Variants in IMP4 observed in about 807,000 individuals in gnomAD.
IMP4 encodes IMP U3 small nucleolar ribonucleoprotein 4.
Under a neutral mutation model 42.7 loss-of-function variants are expected in IMP4, and 30 were observed. That is an observed-to-expected ratio of 0.70 (90% CI 0.53 to 0.95). The LOEUF (loss-of-function observed/expected upper bound fraction) is 0.95. IMP4 is among the 40% of genes least tolerant of loss of function. IMP4 has a pLI of 0.00. For missense variants in IMP4, 382 were observed against 411.4 expected (o/e 0.93, Z 0.62); for synonymous variants, 165 against 165.2 (o/e 1.00, Z 0.01).
In IMP4 at chr2:130,345,382, C is replaced by T. The variant is rs1428117555; in HGVS notation, c.203C>T (p.Thr68Ile). 6.2e-7 allele frequency: 1 copy of T among 1,613,470 alleles called. No homozygotes were observed. Among genetic ancestry groups the T allele is most frequent in the Non-Finnish European group, 8.5e-7 (1 of 1,179,556 alleles). ...EFDDAGGEGV[T>I]SHVDDEYRWA... ...CCCCTCGTGCTCCTGACAGGTGTGA[C>T]CAGCCACGTGGATGATGAATACCGA... Residue 68 changes from threonine (T) to isoleucine (I), a missense_variant, in exon 4 of 9, where the codon ACC becomes ATC. Coordinates refer to ENST00000259239, the MANE Select transcript of IMP4 (RefSeq NM_033416.3). This position sits in a 1 kb window ranked among gnomAD's most constrained non-coding sequence, Gnocchi z 4.9.
rs1182115561 is a variant in IMP4 at position 130,347,961 on chromosome 2, T to C, written c.*1493T>C. Reference sequence around the variant, plus strand: ...AGACATTAAATACAAAGAAGCATGGTGTGAAACGCCATGTGTGATATGCTG... The same window carrying C: ...AGACATTAAATACAAAGAAGCATGGCGTGAAACGCCATGTGTGATATGCTG... On this transcript the variant is annotated 3_prime_UTR_variant, in exon 9 of 9. Coordinates refer to ENST00000259239, the MANE Select transcript of IMP4 (RefSeq NM_033416.3). Among the ~76,000 whole-genome samples, 1 of 152,172 alleles carries C rather than the reference T, an allele frequency of 6.6e-6. No individual in the cohort carries two copies. Among genetic ancestry groups the C allele is most frequent in the Non-Finnish European group, 1.5e-5 (1 of 68,044 alleles).
At position 130,347,294 on chromosome 2, in the gene IMP4, C is replaced by A. The variant is rs967221279; in HGVS notation, c.*826C>A. On this transcript the variant is annotated 3_prime_UTR_variant, in exon 9 of 9. Coordinates refer to ENST00000259239, the MANE Select transcript of IMP4 (RefSeq NM_033416.3). The stretch of plus-strand genomic sequence containing the variant: ...AAGGCTGTACTAATTTCCATTCTCA[C>A]CAACAGTTCACTAGGGTTCCCTTTT... The A allele has an allele frequency of 6.6e-6, 1 of 152,246 alleles. No homozygotes were observed. 9.4% of individuals were successfully genotyped at this position (152,246 alleles called of 1,614,324 possible). A position where few individuals can be genotyped will look rare whatever the true frequency, so the allele number is the denominator to read the frequency against.
intron 1 of IMP4, 39 bp downstream of exon 1, chr2:130,342,974 G>A (rs1573831381): frequency 6.2e-7 from 1 of 1,614,032 alleles, no homozygotes; most frequent in Non-Finnish European, 8.5e-7. Flanking sequence ...TCCGGGGCGC[G>A]TGAAGTGCTG....
At chr2:130,344,778 C>A in intron 3 of IMP4, 66 bp downstream of exon 3, 1 of 1,061,374 alleles carries the variant, frequency 9.4e-7, no homozygotes, top group Middle Eastern at 2.4e-4. Context: ...CTCAGACACA[C>A]CGGGCACCAT....
Position 130,345,663 on chromosome 2 carries a change from G to A in IMP4, c.403G>A (p.Asp135Asn), listed in dbSNP as rs117152505. ...VRACKANGVT[D>N]LLVVHEHRGT... is the part of the protein sequence containing the mutation. ...AGCCTGCAAAGCCAACGGCGTCACCGATCTGCTGGTCGTTCACGAGCATCG... is the reference window on the plus strand; with the variant it reads ...AGCCTGCAAAGCCAACGGCGTCACCAATCTGCTGGTCGTTCACGAGCATCG... The change falls in exon 5 of 9, where the codon GAT (aspartate) becomes AAT (asparagine). Residue 135 changes from aspartate (D) to asparagine (N), a missense_variant. Physicochemically the swap from Asp to Asn is conservative, Grantham distance 23. Transcript: ENST00000259239. The surrounding 1 kb of genome is among the most constrained non-coding windows in gnomAD (Gnocchi z 4.9). 6.4e-5 allele frequency: 103 copies of A among 1,614,108 alleles called. 1 individual carries two copies. The East Asian group carries it at 2.0e-3, about 31-fold the overall frequency.
rs763866901 is a variant in IMP4, at chr2:130,342,897, A to G, written c.-36A>G. ...ACTGTGTCGCGCTGGAGGAGCCCACAGATTCTCCCGGACCCACGTGGAAGC... is the reference window on the plus strand; with the variant it reads ...ACTGTGTCGCGCTGGAGGAGCCCACGGATTCTCCCGGACCCACGTGGAAGC... On this transcript the variant is annotated 5_prime_UTR_variant, in exon 1 of 9. Transcript: ENST00000259239. 1.2e-6 allele frequency: 2 copies of G among 1,613,424 alleles called. No homozygotes were observed. The highest frequency in any genetic ancestry group is 1.7e-6 in the Non-Finnish European group (2 of 1,179,318).
In IMP4 at chr2:130,346,685, G is replaced by T. The variant is rs944819439; in HGVS notation, c.*217G>T. 6.5e-5 allele frequency: 39 copies of T among 596,218 alleles called. No homozygotes were observed. Among genetic ancestry groups the T allele is most frequent in the Non-Finnish European group, 1.1e-4 (38 of 333,674 alleles). 36.9% of individuals were successfully genotyped at this position (596,218 alleles called of 1,614,324 possible). On this transcript the variant is annotated 3_prime_UTR_variant, in exon 9 of 9. Coordinates refer to ENST00000259239, the MANE Select transcript of IMP4 (RefSeq NM_033416.3). ...GGGCAAAGCCCATGGGATCCCTTTG[G>T]GTGGGGACCTGATGGCTGTGGGACG...
At position 130,346,652 on chromosome 2, in the gene IMP4, A is replaced by G. The variant is rs1679600661; in HGVS notation, c.*184A>G. 1 of 625,110 alleles carries G rather than the reference A, an allele frequency of 1.6e-6. No individual in the cohort carries two copies. Among genetic ancestry groups the G allele is most frequent in the South Asian group, 1.9e-5 (1 of 53,822 alleles). 38.7% of individuals were successfully genotyped at this position (625,110 alleles called of 1,614,324 possible). A position where few individuals can be genotyped will look rare whatever the true frequency, so the allele number is the denominator to read the frequency against. On this transcript the variant is annotated 3_prime_UTR_variant, in exon 9 of 9. Transcript: ENST00000259239. ...CGCCTGCCTCTGAGTGGTCAGGCCA[A>G]GTCTGCAGGGCAAAGCCCATGGGAT...
rs117152505 is a variant in IMP4 at position 130,345,663 on chromosome 2, G to C, written c.403G>C (p.Asp135His). Residue 135 changes from aspartate (D) to histidine (H), a missense_variant, in exon 5 of 9, where the codon GAT becomes CAT. Asp to His is a moderately conservative substitution (Grantham distance 81). Transcript: ENST00000259239. The surrounding 1 kb of genome is among the most constrained non-coding windows in gnomAD (Gnocchi z 4.9). ...AGCCTGCAAAGCCAACGGCGTCACC[G>C]ATCTGCTGGTCGTTCACGAGCATCG... ...VRACKANGVTDLLVVHEHRGT... is the reference protein window; with the variant it reads ...VRACKANGVTHLLVVHEHRGT... The C allele has an allele frequency of 1.2e-6, 2 of 1,614,108 alleles. No individual in the cohort carries two copies. The highest frequency in any genetic ancestry group is 1.7e-5 in the Admixed American group (1 of 60,020).
chr2:130,345,548 C>T lies in IMP4; in HGVS notation c.307-19C>T, dbSNP rs926369178. ...ACACACAGCCCCAGTCCTGACTGTA[C>T]ACTGCCATCCACGCCCAGGAGCTGA... On this transcript the variant is annotated intron_variant, in intron 4 of 8. Coordinates refer to ENST00000259239, the MANE Select transcript of IMP4 (RefSeq NM_033416.3). This position sits in a 1 kb window ranked among gnomAD's most constrained non-coding sequence, Gnocchi z 4.9. 4.3e-6 allele frequency: 7 copies of T among 1,614,064 alleles called. No homozygotes were observed. Among genetic ancestry groups the T allele is most frequent in the Non-Finnish European group, 5.9e-6 (7 of 1,180,038 alleles).
At position 130,347,143 on chromosome 2, in the gene IMP4, G is replaced by A. The variant is rs931653213; in HGVS notation, c.*675G>A. 2 of 152,184 alleles carry A rather than the reference G, an allele frequency of 1.3e-5. No homozygotes were observed. Among genetic ancestry groups the A allele is most frequent in the African/African-American group, 4.9e-5 (2 of 40,752 alleles). 9.4% of individuals were successfully genotyped at this position (152,184 alleles called of 1,614,324 possible). ...TGGAAATGCTGCAGTAAACATGGGA[G>A]TATAGCTATCTTTTGAAGATAATGA... On this transcript the variant is annotated 3_prime_UTR_variant, in exon 9 of 9. Coordinates refer to ENST00000259239, the MANE Select transcript of IMP4 (RefSeq NM_033416.3).
chr2:130,343,065 C>T, intron 1 of IMP4, 21 bp from the exon 2 acceptor site: 2 of 1,587,278 alleles, frequency 1.3e-6, no homozygotes, highest in Non-Finnish European at 1.7e-6. Context: ...TAGTGAGTGA[C>T]TGGGCCTGCT....
chr2:130,344,458 G>C (rs1679354430), intron 2 of IMP4, among the ~76,000 whole-genome samples, 171 bp from the exon 3 acceptor site: 1 of 152,242 alleles, frequency 6.6e-6, no homozygotes, highest in African/African-American at 2.4e-5. Context: ...ACTGTTTATG[G>C]GGGTTGGCCT....
rs1405870733 is a variant in IMP4 at position 130,344,694 on chromosome 2, G to C, written c.178G>C (p.Asp60His). 1 of 1,613,240 alleles carries C rather than the reference G, an allele frequency of 6.2e-7. No homozygotes were observed. The highest frequency in any genetic ancestry group is 8.5e-7 in the Non-Finnish European group (1 of 1,179,162). The change falls in exon 3 of 9, where the codon GAT becomes CAT. Residue 60 changes from aspartate (D) to histidine (H), a missense_variant. By Grantham distance (81) the Asp-to-His change is moderately conservative. Transcript: ENST00000259239. ...ALALQGSLEF[D>H]DAGGEGVTSH... ...GGCCTTACAGGGGTCCCTGGAGTTTGATGATGCTGGAGGTGAAGGTAACTA... is the reference window on the plus strand; with the variant it reads ...GGCCTTACAGGGGTCCCTGGAGTTTCATGATGCTGGAGGTGAAGGTAACTA...
rs1196695326 is a variant in IMP4 at position 130,346,589 on chromosome 2, G to C, written c.*121G>C. The C allele has an allele frequency of 1.6e-5, 12 of 767,214 alleles. No homozygotes were observed. The highest frequency in any genetic ancestry group is 2.4e-5 in the Non-Finnish European group (11 of 455,966). 47.5% of individuals were successfully genotyped at this position (767,214 alleles called of 1,614,324 possible). A position where few individuals can be genotyped will look rare whatever the true frequency, so the allele number is the denominator to read the frequency against. ...TGAACTGGGATGTGGAACTGTGGCG[G>C]GTGGAGAGGTCTGAATAAACCGTCT... On this transcript the variant is annotated 3_prime_UTR_variant, in exon 9 of 9. Coordinates refer to ENST00000259239, the MANE Select transcript of IMP4 (RefSeq NM_033416.3).
At chr2:130,343,474 G>A in intron 2 of IMP4, 1 of 585,374 alleles carries the variant, frequency 1.7e-6, no homozygotes, top group Non-Finnish European at 3.3e-6. Context: ...TCTTTAGAGC[G>A]GTGGCTCACT....
chr2:130,345,266 C>A lies in IMP4; in HGVS notation c.197-110C>A. On this transcript the variant is annotated intron_variant, in intron 3 of 8. Coordinates refer to ENST00000259239, the MANE Select transcript of IMP4 (RefSeq NM_033416.3). The surrounding 1 kb of genome is among the most constrained non-coding windows in gnomAD (Gnocchi z 4.9). ...TGCCCGGTGTGCATGTGGAGCATTC[C>A]TATTGTTGAAGGCTTCGGCAGACAG... 1.3e-6 allele frequency: 1 copy of A among 788,472 alleles called. No homozygotes were observed. The allele number at this position is 788,472 out of a possible 1,614,324, so 48.8% of individuals were successfully genotyped here. A position where few individuals can be genotyped will look rare whatever the true frequency, so the allele number is the denominator to read the frequency against.
At chr2:130,344,062 C>T (rs1260537779) in intron 2 of IMP4, among the ~76,000 whole-genome samples, 3 of 152,248 alleles carry the variant, frequency 2.0e-5, no homozygotes, top group Non-Finnish European at 4.4e-5. Flanking sequence ...AGCGCTGTGG[C>T]TCACGCCTGT....
chr2:130,346,778 G>A lies in IMP4; in HGVS notation c.*310G>A. 2.4e-6 allele frequency: 1 copy of A among 424,488 alleles called. No homozygotes were observed. The highest frequency in any genetic ancestry group is 3.6e-5 in the Admixed American group (1 of 27,588). 26.3% of individuals were successfully genotyped at this position (424,488 alleles called of 1,614,324 possible). A position where few individuals can be genotyped will look rare whatever the true frequency, so the allele number is the denominator to read the frequency against. On this transcript the variant is annotated 3_prime_UTR_variant, in exon 9 of 9. Coordinates refer to ENST00000259239, the MANE Select transcript of IMP4 (RefSeq NM_033416.3). ...ATTTGATGCTAACGTCCCCTCAAGAGTGAGGGTCATATGAGCTCTTCAGCA... is the reference window on the plus strand; with the variant it reads ...ATTTGATGCTAACGTCCCCTCAAGAATGAGGGTCATATGAGCTCTTCAGCA...
Sources: allele counts gnomAD v4.1 joint callset (sites outside exome capture counted in the v4.1 genomes callset), GRCh38; gene constraint gnomAD v4.1.1; non-coding constraint Gnocchi (gnomAD v3.1); transcripts MANE v1.5; gene names NCBI Gene and HGNC (gene_info 2026-07-23, HGNC 2026-07-21).